The following CNST variants were observed in gnomAD, a reference collection of about 807,000 sequenced individuals.
CNST encodes consortin.
A neutral mutation model predicts 72.4 loss-of-function variants in CNST; 39 were observed. The observed-to-expected ratio is 0.54, with a 90% CI of 0.42 to 0.70. CNST has a LOEUF of 0.70. Among genes scored for constraint, CNST ranks in the 30% least tolerant of loss-of-function variants. The probability of loss-of-function intolerance (pLI) is 0.00; values close to 1 mark genes in which losing one functional copy is unlikely to be tolerated. For synonymous variants in CNST, 332 were observed against 320.1 expected, an observed-to-expected ratio of 1.04 and a Z score of -0.40; for missense variants, 871 against 868.5, an observed-to-expected ratio of 1.00 and a Z score of -0.04.
At chr1:246,615,413 G>A (rs1663622364) in intron 2 of CNST, among the ~76,000 whole-genome samples, 2 of 151,780 alleles carry the variant, frequency 1.3e-5, no homozygotes. Context: ...CTGACCTCGT[G>A]ATCCGCCTGC....
intron 1 of CNST, among the ~76,000 whole-genome samples, chr1:246,571,595 T>A (rs1342963402): frequency 6.6e-6 from 1 of 152,252 alleles, no homozygotes; most frequent in African/African-American, 2.4e-5. Flanking sequence ...AGACAGTGTG[T>A]GCCTATGAAA....
rs1408201796 is a variant in CNST at position 246,621,461 on chromosome 1, C to T, written c.412C>T (p.Gln138Ter). 1.2e-6 allele frequency: 2 copies of T among 1,613,850 alleles called. No homozygotes were observed. Among genetic ancestry groups the T allele is most frequent in the Non-Finnish European group, 1.7e-6 (2 of 1,179,944 alleles). The change falls in exon 3 of 11, where the codon CAA becomes TAA. Residue 138 changes from glutamine to a stop codon, truncating the protein, a stop_gained. Transcript: ENST00000366513. LOFTEE classifies it high-confidence loss of function. ...LFSGDIAPLM[Q>*]EKVLSAVTYA... ...TTCAGGAGATATTGCACCTTTAATG[C>T]AAGAAAAAGTACTAAGCGCAGTCAC...
chr1:246,636,007 C>G lies in CNST; in HGVS notation c.818+1420C>G, dbSNP rs1205748776. The stretch of plus-strand genomic sequence containing the variant: ...GTGAGTAAGCCTGGGTTCCCCATAT[C>G]CAAAGGAATCCATCGGGGCAGTCCA... On this transcript the variant is annotated intron_variant, in intron 6 of 10. Transcript: ENST00000366513. 4.6e-5 allele frequency among the ~76,000 whole-genome samples: 7 copies of G among 152,294 alleles called. No individual in the cohort carries two copies. The East Asian group carries it at 7.7e-4, about 17-fold the overall frequency.
chr1:246,603,681 G>A (rs1043211693), intron 2 of CNST, among the ~76,000 whole-genome samples: 5 of 152,170 alleles, frequency 3.3e-5, no homozygotes, highest in Admixed American at 2.6e-4. Context: ...TTGAAAAGGT[G>A]CTAAGTGAAA....
At chr1:246,648,863 C>G (rs372437506) in intron 9 of CNST, among the ~76,000 whole-genome samples, 12 of 152,150 alleles carry the variant, frequency 7.9e-5, no homozygotes, top group African/African-American at 2.9e-4. Context: ...TCTAAATCAG[C>G]ATTATCATTG....
intron 10 of CNST, among the ~76,000 whole-genome samples, chr1:246,665,071 G>T (rs1049371698): frequency 1.3e-5 from 2 of 152,234 alleles, no homozygotes; most frequent in East Asian, 3.9e-4. Flanking sequence ...ACTGTAGACT[G>T]TCAAATAATG....
intron 1 of CNST, among the ~76,000 whole-genome samples, chr1:246,583,044 AG>A (rs1395162987): frequency 2.0e-5 from 3 of 152,200 alleles, no homozygotes; most frequent in Admixed American, 1.3e-4. Flanking sequence ...TTTCTTGGGC[AG>A]GGGGGCCTGT....
At chr1:246,617,048 A>G (rs527583276) in intron 2 of CNST, among the ~76,000 whole-genome samples, 23 of 152,304 alleles carry the variant, frequency 1.5e-4, no homozygotes, top group African/African-American at 5.1e-4. Flanking sequence ...ACATCAGTCT[A>G]AGTACTCCTG....
At chr1:246,579,428 A>C (rs1320365712) in intron 1 of CNST, among the ~76,000 whole-genome samples, 1 of 152,132 alleles carries the variant, frequency 6.6e-6, no homozygotes, top group Admixed American at 6.6e-5. Context: ...TGATTATTGA[A>C]CTCTTAGTGC....
At chr1:246,658,728 CCAGCAAGTCACTGG>C (rs1558598906) in intron 9 of CNST, among the ~76,000 whole-genome samples, 1 of 102,348 alleles carries the variant, frequency 9.8e-6, no homozygotes, top group African/African-American at 2.9e-5. Context: ...GTCACTGATG[CCAGCAAGTCACTGG>C]CCTGATGCCA....
chr1:246,647,132 T>C lies in CNST; in HGVS notation c.938-7T>C, dbSNP rs764014117. On this transcript the variant is annotated splice_polypyrimidine_tract_variant and splice_region_variant and intron_variant, in intron 8 of 10. Transcript: ENST00000366513. ...ATTTTTAACAATTTATTTTTCTTCATCTTTAGAGAGTAAAACTTGTCTCGG... is the reference window on the plus strand; with the variant it reads ...ATTTTTAACAATTTATTTTTCTTCACCTTTAGAGAGTAAAACTTGTCTCGG... 2.5e-6 allele frequency: 4 copies of C among 1,602,860 alleles called. No homozygotes were observed. Among genetic ancestry groups the C allele is most frequent in the Admixed American group, 1.8e-5 (1 of 56,848 alleles).
intron 9 of CNST, among the ~76,000 whole-genome samples, chr1:246,651,622 A>G (rs965543555): frequency 3.3e-5 from 5 of 152,196 alleles, no homozygotes; most frequent in Non-Finnish European, 7.3e-5. Flanking sequence ...TGTCTATACT[A>G]TTTATATAGT....
chr1:246,647,332 C>T lies in CNST; in HGVS notation c.1131C>T (p.Ser377=). Residue 377 remains serine (S), a synonymous_variant, in exon 9 of 11, where the codon TCC becomes TCT. Transcript: ENST00000366513. ...CCACGTTAGCGCTCCACACCCAGTC[C>T]TCCGAGACAGCAGGGAGCCCGTCTG... The part of the protein sequence containing the change: ...AEATLALHTQ[S]SETAGSPSGP... The T allele has an allele frequency of 1.2e-6, 2 of 1,614,168 alleles. No homozygotes were observed. Among genetic ancestry groups the T allele is most frequent in the South Asian group, 2.2e-5 (2 of 91,080 alleles).
rs1301610364 is a variant in CNST, at chr1:246,566,677, G to A, written c.-52+14G>A. Reference sequence around the variant, plus strand: ...TCCGATTCCCAGGTGAGGAGAGGAGGAGCGGGATGCAGGGGACCCGCCGGC... The same window carrying A: ...TCCGATTCCCAGGTGAGGAGAGGAGAAGCGGGATGCAGGGGACCCGCCGGC... On this transcript the variant is annotated intron_variant, in intron 1 of 10. Coordinates refer to ENST00000366513, the MANE Select transcript of CNST (RefSeq NM_152609.3). 3 of 401,600 alleles carry A rather than the reference G, an allele frequency of 7.5e-6. No individual in the cohort carries two copies. Among genetic ancestry groups the A allele is most frequent in the Non-Finnish European group, 1.3e-5 (3 of 227,672 alleles). The allele number at this position is 401,600 out of a possible 1,614,324, so 24.9% of individuals were successfully genotyped here.
At chr1:246,649,240 C>T (rs1470895031) in intron 9 of CNST, among the ~76,000 whole-genome samples, 1 of 149,142 alleles carries the variant, frequency 6.7e-6, no homozygotes, top group Non-Finnish European at 1.5e-5. Flanking sequence ...CCATTTGGGG[C>T]AATGAAAAAT....
chr1:246,632,736 T>C (rs908614783), intron 4 of CNST, among the ~76,000 whole-genome samples: 2 of 152,176 alleles, frequency 1.3e-5, no homozygotes, highest in African/African-American at 4.8e-5. Context: ...CACAGGATCA[T>C]TTACAAAGAA....
intron 8 of CNST, among the ~76,000 whole-genome samples, chr1:246,645,424 CTTTTTTTT>C (rs1553384186): frequency 9.4e-6 from 1 of 106,106 alleles, no homozygotes; most frequent in Non-Finnish European, 1.9e-5. Flanking sequence ...AAGGTTAAAA[CTTTTTTTT>C]TTTTTTTTTT....
At chr1:246,657,262 T>G (rs1666826304) in intron 9 of CNST, among the ~76,000 whole-genome samples, 1 of 152,186 alleles carries the variant, frequency 6.6e-6, no homozygotes, top group Admixed American at 6.5e-5. Context: ...GAGTGCCTCC[T>G]TGGCCTGCAT....
rs144281475 is a variant in CNST at position 246,647,186 on chromosome 1, A to C, written c.985A>C (p.Thr329Pro). The change falls in exon 9 of 11, where the codon ACA (threonine) becomes CCA (proline). Residue 329 changes from threonine (T) to proline (P), a missense_variant. Coordinates refer to ENST00000366513, the MANE Select transcript of CNST (RefSeq NM_152609.3). The part of the protein sequence containing the change: ...GTESSKESQH[T>P]VEPLGSSPCC... Reference sequence around the variant, plus strand: ...AGAGTCAAGTAAAGAAAGCCAACATACAGTGGAGCCCCTGGGGAGCAGTCC... The same window carrying C: ...AGAGTCAAGTAAAGAAAGCCAACATCCAGTGGAGCCCCTGGGGAGCAGTCC... The C allele has an allele frequency of 4.1e-4, 656 of 1,614,124 alleles. 1 individual carries two copies. The African/African-American group carries it at 7.8e-3, about 19-fold the overall frequency.
Sources: allele counts gnomAD v4.1 joint callset (sites outside exome capture counted in the v4.1 genomes callset), GRCh38; gene constraint gnomAD v4.1.1; transcripts MANE v1.5; gene names NCBI Gene and HGNC (gene_info 2026-07-23, HGNC 2026-07-21).